EXT2: variants seen among roughly 807,000 people sequenced by gnomAD.
EXT2 encodes the protein exostosin glycosyltransferase 2.
Under a neutral mutation model 81.6 loss-of-function variants are expected in EXT2, and 53 were observed. The observed-to-expected ratio is 0.65, with a 90% CI of 0.52 to 0.82. The LOEUF (loss-of-function observed/expected upper bound fraction) is 0.82, where lower values mean the gene tolerates loss of function less well. Among genes scored for constraint, EXT2 ranks in the 40% least tolerant of loss-of-function variants. EXT2 has a pLI of 0.00. For missense variants in EXT2, 774 were observed against 910.2 expected (o/e 0.85, Z 1.93); for synonymous variants, 320 against 340.0 (o/e 0.94, Z 0.65).
At chr11:44,145,848 A>G (rs957170608) in intron 7 of EXT2, among the ~76,000 whole-genome samples, 1 of 152,232 alleles carries the variant, frequency 6.6e-6, no homozygotes, top group African/African-American at 2.4e-5. Flanking sequence ...TGGGTAATAT[A>G]CTATACACAA....
intron 9 of EXT2, among the ~76,000 whole-genome samples, chr11:44,205,709 A>T: frequency 6.6e-6 from 1 of 152,126 alleles, no homozygotes; most frequent in East Asian, 1.9e-4. Flanking sequence ...CTTTCCCTCT[A>T]TCATACTTCT....
At position 44,244,263 on chromosome 11, in the gene EXT2, C is replaced by T. The variant is rs752842279; in HGVS notation, c.2133C>T (p.Ser711=). The T allele has an allele frequency of 2.5e-6, 4 of 1,614,088 alleles. No homozygotes were observed. The highest frequency in any genetic ancestry group is 4.5e-5 in the East Asian group (2 of 44,860). ...ATGACTTTCCTGAGAAGCTGAAGAGCTTCCCCAACATTGGCAGCTTATGAA... is the reference window on the plus strand; with the variant it reads ...ATGACTTTCCTGAGAAGCTGAAGAGTTTCCCCAACATTGGCAGCTTATGAA... ...YKDDFPEKLK[S]FPNIGSL Residue 711 remains serine, a synonymous_variant, in exon 14 of 14, where the codon AGC becomes AGT. Transcript: ENST00000533608.
chr11:44,101,454 G>C (rs746775870), intron 1 of EXT2, among the ~76,000 whole-genome samples: 4 of 152,148 alleles, frequency 2.6e-5, no homozygotes, highest in African/African-American at 7.2e-5. Flanking sequence ...GTACAGAATA[G>C]CTCCCCACAA....
At chr11:44,185,629 C>T (rs1294854661) in intron 8 of EXT2, among the ~76,000 whole-genome samples, 1 of 152,166 alleles carries the variant, frequency 6.6e-6, no homozygotes, top group Non-Finnish European at 1.5e-5. Flanking sequence ...TGTGGAGTCT[C>T]TTCTTTCCAC....
chr11:44,115,988 T>A (rs1188050791), intron 4 of EXT2: 1 of 152,246 alleles, frequency 6.6e-6, no homozygotes, highest in Non-Finnish European at 1.5e-5. Context: ...CTCCCAGAGT[T>A]GACTTATTTT....
intron 7 of EXT2, among the ~76,000 whole-genome samples, chr11:44,166,360 T>C (rs1352793918): frequency 6.6e-6 from 1 of 152,168 alleles, no homozygotes; most frequent in Admixed American, 6.5e-5. Context: ...GTAACATGAA[T>C]TTAAGCAGGA....
At chr11:44,112,591 G>A (rs7111879) in intron 3 of EXT2, among the ~76,000 whole-genome samples, 84,234 of 152,086 alleles carry the variant, frequency 0.55, 23,802 homozygotes, top group East Asian at 0.76. Context: ...GCCTTAGAGT[G>A]CATGCCAGTA....
rs950693707 is a variant in EXT2 at position 44,237,858 on chromosome 11, G to A, written c.2018+1483G>A. Among the ~76,000 whole-genome samples the A allele has an allele frequency of 4.4e-5, 6 of 137,778 alleles. No individual in the cohort carries two copies. The East Asian group carries it at 1.4e-3, about 32-fold the overall frequency. The allele number at this position is 137,778 out of a possible 152,430, so 90.4% of individuals were successfully genotyped here. ...GCTGGTGGATCACCTGAGGTCAGGA[G>A]TTCAAGACCAGGCTGACCAACATGG... On this transcript the variant is annotated intron_variant, in intron 13 of 13. Coordinates refer to ENST00000533608, the MANE Select transcript of EXT2 (RefSeq NM_207122.2).
At chr11:44,119,177 C>CACAT (rs1450746902) in intron 4 of EXT2, among the ~76,000 whole-genome samples, 3 of 42,786 alleles carry the variant, frequency 7.0e-5, no homozygotes, top group African/African-American at 2.6e-4. Context: ...TATACACATA[C>CACAT]ACACACACAC....
chr11:44,237,096 A>G (rs1299118086), intron 13 of EXT2, among the ~76,000 whole-genome samples: 1 of 152,216 alleles, frequency 6.6e-6, no homozygotes, highest in Non-Finnish European at 1.5e-5. Flanking sequence ...TATACAAGAC[A>G]GCAAACTCTG....
intron 10 of EXT2, among the ~76,000 whole-genome samples, chr11:44,211,972 A>C (rs1235465535): frequency 6.6e-6 from 1 of 152,162 alleles, no homozygotes; most frequent in East Asian, 1.9e-4. Flanking sequence ...AGCAAAAATT[A>C]CTGCTTGAAA....
At position 44,247,101 on chromosome 11, in the gene EXT2, T is replaced by A. The variant is rs943233079; in HGVS notation, c.*2814T>A. 6.6e-6 allele frequency among the ~76,000 whole-genome samples: 1 copy of A among 152,242 alleles called. No individual in the cohort carries two copies. Among genetic ancestry groups the A allele is most frequent in the Admixed American group, 6.5e-5 (1 of 15,290 alleles). ...TTTGCTGATTAACATTACATAGTTGTTAAAATGTTTATCTCATGTATTTTA... is the reference window on the plus strand; with the variant it reads ...TTTGCTGATTAACATTACATAGTTGATAAAATGTTTATCTCATGTATTTTA... On this transcript the variant is annotated 3_prime_UTR_variant, in exon 14 of 14. Coordinates refer to ENST00000533608, the MANE Select transcript of EXT2 (RefSeq NM_207122.2).
intron 6 of EXT2, among the ~76,000 whole-genome samples, 156 bp downstream of exon 6, chr11:44,127,111 G>A (rs530978805): frequency 2.6e-4 from 39 of 152,322 alleles, no homozygotes; most frequent in African/African-American, 9.4e-4. Flanking sequence ...CTGGTCTAGA[G>A]CAGTTCACAA....
chr11:44,182,867 G>A (rs547620911), intron 8 of EXT2, among the ~76,000 whole-genome samples: 1 of 152,266 alleles, frequency 6.6e-6, no homozygotes, highest in Admixed American at 6.5e-5. Context: ...GAAAATCCAA[G>A]ACCATGCATT....
At chr11:44,173,978 A>G (rs1269723947) in intron 8 of EXT2, among the ~76,000 whole-genome samples, 1 of 152,248 alleles carries the variant, frequency 6.6e-6, no homozygotes, top group Middle Eastern at 3.2e-3. Flanking sequence ...TGAAGAAAAT[A>G]CACATTTTAA....
chr11:44,238,393 C>A (rs1002372093), intron 13 of EXT2, among the ~76,000 whole-genome samples: 1 of 152,084 alleles, frequency 6.6e-6, no homozygotes, highest in African/African-American at 2.4e-5. Context: ...TGTTACTCAG[C>A]CTGGTCTTGA....
At chr11:44,211,865 A>G (rs572462868) in intron 10 of EXT2, among the ~76,000 whole-genome samples, 1 of 152,220 alleles carries the variant, frequency 6.6e-6, no homozygotes, top group Non-Finnish European at 1.5e-5. Context: ...ATCACATTGT[A>G]CCCCACAAAT....
chr11:44,116,501 G>C (rs1954222588), intron 4 of EXT2: 1 of 152,184 alleles, frequency 6.6e-6, no homozygotes, highest in Non-Finnish European at 1.5e-5. Context: ...TGTATGTAAA[G>C]CTGGTTTCAG....
intron 7 of EXT2, among the ~76,000 whole-genome samples, chr11:44,153,973 G>A (rs1954826701): frequency 6.6e-6 from 1 of 150,758 alleles, no homozygotes; most frequent in Non-Finnish European, 1.5e-5. Flanking sequence ...ATATTGGTCT[G>A]TAGTTTTCTG....
Sources: allele counts gnomAD v4.1 joint callset (sites outside exome capture counted in the v4.1 genomes callset), GRCh38; gene constraint gnomAD v4.1.1; transcripts MANE v1.5; gene names NCBI Gene and HGNC (gene_info 2026-07-23, HGNC 2026-07-21).